Variants in C1orf21 observed in about 807,000 individuals in gnomAD.
The protein encoded by C1orf21 is chromosome 1 open reading frame 21.
Under a neutral mutation model 18.7 loss-of-function variants are expected in C1orf21, and 3 were observed. The ratio of observed to expected loss-of-function variants is 0.16; its 90% CI spans 0.07 to 0.42. The LOEUF is 0.42. Among genes scored for constraint, C1orf21 ranks in the 10% least tolerant of loss-of-function variants. The pLI, the probability that C1orf21 is intolerant of heterozygous loss-of-function variation, is 0.99. For missense variants in C1orf21, 104 were observed against 143.6 expected, an observed-to-expected ratio of 0.72 and a Z score of 1.41; for synonymous variants, 41 against 46.4, an observed-to-expected ratio of 0.88 and a Z score of 0.47.
intron 2 of C1orf21, among the ~76,000 whole-genome samples, chr1:184,504,388 T>C (rs1232667184): frequency 1.3e-5 from 2 of 152,296 alleles, no homozygotes; most frequent in Admixed American, 1.3e-4. Flanking sequence ...CTCCATTTCT[T>C]CCAGTGTGGG....
At chr1:184,412,519 C>G (rs1416378134) in intron 1 of C1orf21, among the ~76,000 whole-genome samples, 2 of 152,182 alleles carry the variant, frequency 1.3e-5, no homozygotes, top group Non-Finnish European at 2.9e-5. Flanking sequence ...AAGGCTCTGC[C>G]TAATTATATT....
At chr1:184,530,527 C>A (rs974693351) in intron 3 of C1orf21, among the ~76,000 whole-genome samples, 1 of 149,710 alleles carries the variant, frequency 6.7e-6, no homozygotes, top group Non-Finnish European at 1.5e-5. Flanking sequence ...CTTTTGAGTT[C>A]TTTTTATGCT....
chr1:184,398,553 C>A lies in C1orf21; in HGVS notation c.-125+11185C>A, dbSNP rs1299874776. The stretch of plus-strand genomic sequence containing the variant: ...CATAATAGATTGTCATTTAACCACA[C>A]AGGTATATTCTAAGAAATGTGTCTT... On this transcript the variant is annotated intron_variant, in intron 1 of 5. Coordinates refer to ENST00000235307, the MANE Select transcript of C1orf21 (RefSeq NM_030806.4). Among the ~76,000 whole-genome samples the A allele has an allele frequency of 2.6e-5, 4 of 152,318 alleles. No homozygotes were observed. In the East Asian group the frequency reaches 7.7e-4, roughly 29 times the overall value.
chr1:184,459,872 A>G (rs1213857490), intron 1 of C1orf21, among the ~76,000 whole-genome samples: 2 of 152,180 alleles, frequency 1.3e-5, no homozygotes, highest in Non-Finnish European at 2.9e-5. Context: ...GGCATCCCAA[A>G]AAACTTTTGC....
intron 3 of C1orf21, among the ~76,000 whole-genome samples, chr1:184,537,650 T>G (rs1658578368): frequency 6.6e-6 from 1 of 152,062 alleles, no homozygotes; most frequent in African/African-American, 2.4e-5. Flanking sequence ...TCAATTCTTT[T>G]TATTTTTTCT....
At position 184,505,326 on chromosome 1, in the gene C1orf21, TATATATATATATATAC is replaced by T. The variant is rs1028670033; in HGVS notation, c.95-2260_95-2245del. Among the ~76,000 whole-genome samples, 610 of 132,978 alleles carry T rather than the reference TATATATATATATATAC, an allele frequency of 4.6e-3. 11 individuals are homozygous for T. The highest frequency in any genetic ancestry group is 0.017 in the African/African-American group (521 of 30,712). The allele number at this position is 132,978 out of a possible 152,430, so 87.2% of individuals were successfully genotyped here. On this transcript the variant is annotated intron_variant, in intron 2 of 5. Transcript: ENST00000235307. ...AAAGAAATATATATATATATATATA[TATATATATATATATAC>T]ACACATGCCATATATATATAGACAT...
chr1:184,418,482 G>A (rs1267855291), intron 1 of C1orf21, among the ~76,000 whole-genome samples: 1 of 152,170 alleles, frequency 6.6e-6, no homozygotes, highest in Non-Finnish European at 1.5e-5. Context: ...TCAAAGTGCT[G>A]TGATTACAGG....
At chr1:184,619,256 C>A (rs1659878429) in intron 5 of C1orf21, among the ~76,000 whole-genome samples, 1 of 152,160 alleles carries the variant, frequency 6.6e-6, no homozygotes, top group Non-Finnish European at 1.5e-5. Context: ...TTGAATATGG[C>A]TGTTATAATA....
intron 1 of C1orf21, among the ~76,000 whole-genome samples, chr1:184,407,590 A>G (rs533867689): frequency 5.3e-5 from 8 of 152,312 alleles, no homozygotes; most frequent in African/African-American, 1.7e-4. Context: ...CCAGAAATCC[A>G]CAAACACCAT....
At chr1:184,441,581 A>G (rs1339100568) in intron 1 of C1orf21, among the ~76,000 whole-genome samples, 1 of 152,230 alleles carries the variant, frequency 6.6e-6, no homozygotes, top group Non-Finnish European at 1.5e-5. Context: ...GCAGCTAAGC[A>G]CATACATGAC....
intron 3 of C1orf21, among the ~76,000 whole-genome samples, chr1:184,588,887 C>T (rs555610521): frequency 2.0e-5 from 3 of 152,204 alleles, no homozygotes; most frequent in East Asian, 1.9e-4. Context: ...GCCCTGGAAG[C>T]GCACTCCTGG....
chr1:184,625,707 A>T lies in C1orf21; in HGVS notation c.*6151A>T, dbSNP rs1659997280. 1 of 152,486 alleles carries T rather than the reference A, an allele frequency of 6.6e-6. No homozygotes were observed. Among genetic ancestry groups the T allele is most frequent in the Non-Finnish European group, 1.5e-5 (1 of 68,036 alleles). The allele number at this position is 152,486 out of a possible 1,614,324, so 9.4% of individuals were successfully genotyped here. On this transcript the variant is annotated 3_prime_UTR_variant, in exon 6 of 6. Coordinates refer to ENST00000235307, the MANE Select transcript of C1orf21 (RefSeq NM_030806.4). ...ACTATAGGGATACCGAAACAGGAAA[A>T]ACCAGCCATCACTCTTGAGAAAGTT...
chr1:184,625,558 A>G lies in C1orf21; in HGVS notation c.*6002A>G, dbSNP rs1460525959. The G allele has an allele frequency of 6.6e-6, 1 of 152,612 alleles. No homozygotes were observed. The highest frequency in any genetic ancestry group is 2.4e-5 in the African/African-American group (1 of 41,440). The allele number at this position is 152,612 out of a possible 1,614,324, so 9.5% of individuals were successfully genotyped here. ...AACACACATACACATACACGCGCAT[A>G]CATACATATACAGAGAGATACGTGG... On this transcript the variant is annotated 3_prime_UTR_variant, in exon 6 of 6. Transcript: ENST00000235307.
intron 3 of C1orf21, among the ~76,000 whole-genome samples, chr1:184,526,510 A>G (rs1193308183): frequency 1.3e-5 from 2 of 152,194 alleles, no homozygotes; most frequent in African/African-American, 2.4e-5. Context: ...TAATACAAAT[A>G]TAAAGCAGGT....
chr1:184,534,003 A>G (rs1658510190), intron 3 of C1orf21, among the ~76,000 whole-genome samples: 1 of 152,184 alleles, frequency 6.6e-6, no homozygotes, highest in Non-Finnish European at 1.5e-5. Flanking sequence ...GTGGGGTGGG[A>G]TCTGTCTGAG....
At chr1:184,468,944 A>G (rs1657449608) in intron 1 of C1orf21, among the ~76,000 whole-genome samples, 2 of 150,502 alleles carry the variant, frequency 1.3e-5, no homozygotes, top group African/African-American at 4.9e-5. Context: ...AAAACAAAAC[A>G]AACAAAAAGG....
At chr1:184,392,950 T>C (rs1312152520) in intron 1 of C1orf21, among the ~76,000 whole-genome samples, 1 of 150,746 alleles carries the variant, frequency 6.6e-6, no homozygotes, top group Admixed American at 6.6e-5. Flanking sequence ...CACATCAGAC[T>C]CTTGAGTAGC....
chr1:184,482,865 C>T (rs911629057), intron 2 of C1orf21, among the ~76,000 whole-genome samples: 4 of 152,144 alleles, frequency 2.6e-5, no homozygotes, highest in African/African-American at 7.2e-5. Context: ...GCAGTTTGGG[C>T]GCCATGATGT....
chr1:184,538,897 G>T (rs970621798), intron 3 of C1orf21, among the ~76,000 whole-genome samples: 1 of 152,038 alleles, frequency 6.6e-6, no homozygotes, highest in Non-Finnish European at 1.5e-5. Context: ...TTTTTATTGT[G>T]TGTGGAATCC....
Sources: gnomAD v4.1 joint callset for allele counts (sites outside exome capture counted in the v4.1 genomes callset) on GRCh38, gnomAD v4.1.1 for gene constraint, MANE v1.5 for transcripts, NCBI Gene and HGNC (gene_info 2026-07-23, HGNC 2026-07-21) for gene names.